ILKAP: variants seen among roughly 807,000 people sequenced by gnomAD.
The protein encoded by ILKAP is integrin-linked kinase-associated serine/threonine phosphatase 2C.
A neutral mutation model predicts 49.1 loss-of-function variants in ILKAP; 11 were observed. The ratio of observed to expected loss-of-function variants is 0.22; its 90% confidence interval spans 0.14 to 0.37. ILKAP has a LOEUF of 0.37. Among genes scored for constraint, ILKAP ranks in the 10% least tolerant of loss-of-function variants. The pLI, the probability that ILKAP is intolerant of heterozygous loss-of-function variation, is 1.00. For missense variants in ILKAP, 363 were observed against 510.8 expected, an observed-to-expected ratio of 0.71 and a Z score of 2.79; for synonymous variants, 186 against 192.8, an observed-to-expected ratio of 0.96 and a Z score of 0.29.
rs1315142284 is a variant in ILKAP at position 238,203,457 on chromosome 2, T to A, written c.55+42A>T. On this transcript the variant is annotated intron_variant, in intron 1 of 11. Coordinates refer to ENST00000254654, the MANE Select transcript of ILKAP (RefSeq NM_030768.3). The stretch of plus-strand genomic sequence containing the variant: ...GGCCTCAGGCCGCCCCCATCCCGCC[T>A]GCTCTCCCTTCCCTGGCCGGCCCGG... 4 of 1,186,412 alleles carry A rather than the reference T, an allele frequency of 3.4e-6. No individual in the cohort carries two copies. The East Asian group carries it at 1.8e-4, about 55-fold the overall frequency. The allele number at this position is 1,186,412 out of a possible 1,614,324, so 73.5% of individuals were successfully genotyped here. A position where few individuals can be genotyped will look rare whatever the true frequency, so the allele number is the denominator to read the frequency against.
rs1694225648 is a variant in ILKAP, at chr2:238,193,473, G to C, written c.178+802C>G. On this transcript the variant is annotated intron_variant, in intron 3 of 11. Transcript: ENST00000254654. ...TGACCTCAAGTGATCTACCCGCCTT[G>C]GCTTCCCAAAGTGCTGGGATTATAG... Among the ~76,000 whole-genome samples, 3 of 152,308 alleles carry C rather than the reference G, an allele frequency of 2.0e-5. No homozygotes were observed. The South Asian group carries it at 6.2e-4, about 32-fold the overall frequency.
chr2:238,194,972 C>T (rs1694284876), intron 1 of ILKAP, 102 bp from the exon 2 acceptor site: 1 of 876,960 alleles, frequency 1.1e-6, no homozygotes, highest in Non-Finnish European at 1.8e-6. Context: ...CACAAGTTTG[C>T]TATTAGATTC....
At chr2:238,198,389 C>A (rs1694433831) in intron 1 of ILKAP, among the ~76,000 whole-genome samples, 1 of 151,876 alleles carries the variant, frequency 6.6e-6, no homozygotes, top group African/African-American at 2.4e-5. Flanking sequence ...CAGGCATACA[C>A]CACCATGCCC....
At chr2:238,190,882 A>T (rs1309264904) in intron 3 of ILKAP, among the ~76,000 whole-genome samples, 1 of 78,256 alleles carries the variant, frequency 1.3e-5, no homozygotes, top group Non-Finnish European at 3.3e-5. Flanking sequence ...CTCTTTAAAA[A>T]AAAAAAAAAA....
chr2:238,170,458 C>A lies in ILKAP; in HGVS notation c.*78G>T, dbSNP rs1311747732. The A allele has an allele frequency of 1.4e-6, 2 of 1,471,294 alleles. No homozygotes were observed. Among genetic ancestry groups the A allele is most frequent in the African/African-American group, 1.4e-5 (1 of 70,886 alleles). 91.1% of individuals were successfully genotyped at this position (1,471,294 alleles called of 1,614,324 possible). On this transcript the variant is annotated 3_prime_UTR_variant, in exon 12 of 12. Coordinates refer to ENST00000254654, the MANE Select transcript of ILKAP (RefSeq NM_030768.3). ...ACCATGGGAGTCCCACAGGAGTACA[C>A]AAAACACACAATGTGCACACACACA...
chr2:238,192,778 G>A (rs1340878061), intron 3 of ILKAP, among the ~76,000 whole-genome samples: 1 of 152,088 alleles, frequency 6.6e-6, no homozygotes, highest in Admixed American at 6.5e-5. Flanking sequence ...ACTTTGGGAG[G>A]CTGAGGCGGA....
intron 9 of ILKAP, among the ~76,000 whole-genome samples, chr2:238,178,783 GT>G (rs1392441865): frequency 6.7e-6 from 1 of 149,906 alleles, no homozygotes; most frequent in Non-Finnish European, 1.5e-5. Flanking sequence ...CTACACTGAT[GT>G]AAATCAATTA....
intron 3 of ILKAP, among the ~76,000 whole-genome samples, chr2:238,192,590 C>T (rs1211231240): frequency 1.3e-5 from 2 of 151,656 alleles, no homozygotes; most frequent in Non-Finnish European, 2.9e-5. Context: ...GTCCCAGCTA[C>T]TTGGGAGGCT....
At chr2:238,181,955 G>T in intron 9 of ILKAP, 110 bp downstream of exon 9, 1 of 1,158,178 alleles carries the variant, frequency 8.6e-7, no homozygotes, top group Non-Finnish European at 1.2e-6. Flanking sequence ...ACAGAGCCTC[G>T]TCACACTGAA....
chr2:238,193,365 C>T (rs1327012202), intron 3 of ILKAP, among the ~76,000 whole-genome samples: 1 of 152,164 alleles, frequency 6.6e-6, no homozygotes, highest in African/African-American at 2.4e-5. Context: ...GGACGACAGG[C>T]ACATGCCACC....
chr2:238,181,625 G>GTT (rs61607663), intron 9 of ILKAP, among the ~76,000 whole-genome samples: 5 of 135,616 alleles, frequency 3.7e-5, no homozygotes, highest in Non-Finnish European at 3.2e-5. Flanking sequence ...TTTTTTTTTG[G>GTT]TTTTTTTTTT....
intron 1 of ILKAP, among the ~76,000 whole-genome samples, chr2:238,195,961 T>C (rs578097097): frequency 1.6e-3 from 214 of 137,934 alleles, no homozygotes; most frequent in Non-Finnish European, 2.3e-3. Flanking sequence ...GAGGATCACC[T>C]GAGCCCAGGG....
chr2:238,191,765 C>A (rs773266786), intron 3 of ILKAP, among the ~76,000 whole-genome samples: 1 of 151,946 alleles, frequency 6.6e-6, no homozygotes, highest in East Asian at 1.9e-4. Flanking sequence ...AAAAATTAGC[C>A]GGGCATGGTA....
At chr2:238,182,426 C>A (rs1313745875) in intron 8 of ILKAP, among the ~76,000 whole-genome samples, 3 of 152,168 alleles carry the variant, frequency 2.0e-5, no homozygotes, top group African/African-American at 7.2e-5. Context: ...ACAAACTCTG[C>A]TGAATAACTA....
intron 9 of ILKAP, 86 bp downstream of exon 9, chr2:238,181,979 G>A: frequency 7.0e-7 from 1 of 1,421,250 alleles, no homozygotes; most frequent in East Asian, 2.3e-5. Flanking sequence ...TACGTAACAG[G>A]GGAAGTTCTA....
chr2:238,181,256 A>G (rs923602999), intron 9 of ILKAP, among the ~76,000 whole-genome samples: 1 of 152,068 alleles, frequency 6.6e-6, no homozygotes, highest in African/African-American at 2.4e-5. Context: ...CATCTCTCTT[A>G]TCTCTGGCAG....
chr2:238,188,258 C>T lies in ILKAP; in HGVS notation c.299-1G>A. ...TTCAGACCAAAGATCACCGAAGAGG[C>T]TAAGGAAAAGAGAACAAAAGAGCCA... On this transcript the variant is annotated splice_acceptor_variant, in intron 4 of 11. Coordinates refer to ENST00000254654, the MANE Select transcript of ILKAP (RefSeq NM_030768.3). LOFTEE classifies it high-confidence loss of function. 1 of 1,613,290 alleles carries T rather than the reference C, an allele frequency of 6.2e-7. No individual in the cohort carries two copies. The highest frequency in any genetic ancestry group is 8.5e-7 in the Non-Finnish European group (1 of 1,179,686).
Position 238,203,627 on chromosome 2 carries a change from G to A in ILKAP, c.-74C>T. ...AGCAGCGGCCGGGCTCCACACCCCG[G>A]GCGGGCGGCAGCAGCGGGCGGGCGA... is the stretch of plus-strand genomic sequence containing the variant. On this transcript the variant is annotated 5_prime_UTR_variant, in exon 1 of 12. Transcript: ENST00000254654. 3.1e-6 allele frequency: 3 copies of A among 962,604 alleles called. No individual in the cohort carries two copies. The highest frequency in any genetic ancestry group is 3.9e-6 in the Non-Finnish European group (3 of 771,282). 59.6% of individuals were successfully genotyped at this position (962,604 alleles called of 1,614,324 possible).
At chr2:238,201,574 AGGATGTACCTTTCCCACTGTATCTG>A (rs1433519386) in intron 1 of ILKAP, among the ~76,000 whole-genome samples, 1 of 152,230 alleles carries the variant, frequency 6.6e-6, no homozygotes, top group Admixed American at 6.5e-5. Flanking sequence ...AAACGGCAAC[AGGATGTACCTTTCCCACTGTATCTG>A]GCAAAAGGCT....
Sources: allele counts gnomAD v4.1 joint callset (sites outside exome capture counted in the v4.1 genomes callset), GRCh38; gene constraint gnomAD v4.1.1; transcripts MANE v1.5; gene names NCBI Gene and HGNC (gene_info 2026-07-23, HGNC 2026-07-21).